NOVA1: variants seen among roughly 807,000 people sequenced by gnomAD.
NOVA1 encodes RNA-binding protein Nova-1.
NOVA1 carries 7 observed loss-of-function variants against 38.0 expected under a neutral mutation model. The ratio of observed to expected loss-of-function variants is 0.18; its 90% CI spans 0.10 to 0.35. The LOEUF (loss-of-function observed/expected upper bound fraction) is 0.35, where lower values mean the gene tolerates loss of function less well. Among genes scored for constraint, NOVA1 ranks in the 10% least tolerant of loss-of-function variants. The pLI is 1.00. For missense variants in NOVA1, 460 were observed against 616.0 expected (o/e 0.75, Z 2.68); for synonymous variants, 270 against 232.5 (o/e 1.16, Z -1.47).
intron 2 of NOVA1, among the ~76,000 whole-genome samples, chr14:26,567,176 TA>T (rs1439577261): frequency 6.6e-6 from 1 of 151,914 alleles, no homozygotes; most frequent in East Asian, 1.9e-4. Flanking sequence ...TTAAATCCTA[TA>T]AAAATAATGT....
chr14:26,521,059 A>T (rs887854112), intron 2 of NOVA1, among the ~76,000 whole-genome samples: 2 of 152,020 alleles, frequency 1.3e-5, no homozygotes, highest in Non-Finnish European at 2.9e-5. Context: ...AATAAAATAA[A>T]AGTATGGTCC....
intron 2 of NOVA1, among the ~76,000 whole-genome samples, chr14:26,490,449 C>T (rs1409864484): frequency 1.3e-5 from 2 of 151,960 alleles, no homozygotes; most frequent in Non-Finnish European, 2.9e-5. Flanking sequence ...CACCATTTTA[C>T]ATCCCCAACA....
At chr14:26,474,587 G>T (rs1594360077) in intron 3 of NOVA1, among the ~76,000 whole-genome samples, 1 of 151,914 alleles carries the variant, frequency 6.6e-6, no homozygotes, top group East Asian at 1.9e-4. Flanking sequence ...CCTAATAATT[G>T]TGATGCTGTT....
chr14:26,520,322 G>A (rs1329111841), intron 2 of NOVA1, among the ~76,000 whole-genome samples: 2 of 152,160 alleles, frequency 1.3e-5, no homozygotes, highest in African/African-American at 2.4e-5. Context: ...CCCCAGGGTG[G>A]ACTGGGGGAC....
chr14:26,572,724 C>CGGTGTGTG (rs1253566376), intron 2 of NOVA1, among the ~76,000 whole-genome samples: 1 of 49,160 alleles, frequency 2.0e-5, no homozygotes, highest in Admixed American at 2.7e-4. Context: ...TAAGGAACCG[C>CGGTGTGTG]AGTGTGTGTG....
rs370469264 is a variant in NOVA1, at chr14:26,487,103, G to C, written c.281-6960C>G. ...ACATAAGCAAAAGTCTCATTTATGA[G>C]TATTTAAGATAATGAGTCAGCAAAA... is the stretch of plus-strand genomic sequence containing the variant. On this transcript the variant is annotated intron_variant, in intron 2 of 4. Coordinates refer to ENST00000539517, the MANE Select transcript of NOVA1 (RefSeq NM_002515.3). Among the ~76,000 whole-genome samples the C allele has an allele frequency of 7.9e-5, 12 of 152,074 alleles. No individual in the cohort carries two copies. In the East Asian group the frequency reaches 1.2e-3, roughly 15 times the overall value.
intron 1 of NOVA1, chr14:26,596,748 T>C: frequency 1.6e-6 from 2 of 1,261,628 alleles, no homozygotes; most frequent in Non-Finnish European, 2.1e-6. Context: ...AATGAAATAT[T>C]TGCACCGACA....
At chr14:26,462,822 T>C in intron 4 of NOVA1, among the ~76,000 whole-genome samples, 1 of 152,160 alleles carries the variant, frequency 6.6e-6, no homozygotes, top group East Asian at 1.9e-4. Context: ...ACTTGGGAAA[T>C]TACCTTCTTT....
At chr14:26,503,797 T>G (rs1887424596) in intron 2 of NOVA1, among the ~76,000 whole-genome samples, 1 of 151,964 alleles carries the variant, frequency 6.6e-6, no homozygotes, top group African/African-American at 2.4e-5. Context: ...AAAATTAAAT[T>G]TATAACGTAG....
chr14:26,596,287 AT>A (rs1169473250), intron 1 of NOVA1, among the ~76,000 whole-genome samples: 1 of 152,220 alleles, frequency 6.6e-6, no homozygotes, highest in East Asian at 1.9e-4. Context: ...AGTCATTTAT[AT>A]TAAATAGGCT....
chr14:26,588,220 A>G (rs1893647106), intron 2 of NOVA1, among the ~76,000 whole-genome samples: 1 of 151,234 alleles, frequency 6.6e-6, no homozygotes, highest in Non-Finnish European at 1.5e-5. Context: ...AAATTTTTAA[A>G]TTATTGAGTC....
At chr14:26,492,797 T>A (rs1002424988) in intron 2 of NOVA1, among the ~76,000 whole-genome samples, 1 of 32,972 alleles carries the variant, frequency 3.0e-5, no homozygotes, top group Admixed American at 5.6e-4. Context: ...TGAAACCCCA[T>A]CTCTACTAAA....
chr14:26,532,610 A>G (rs776991326), intron 2 of NOVA1, among the ~76,000 whole-genome samples: 1 of 152,198 alleles, frequency 6.6e-6, no homozygotes, highest in Non-Finnish European at 1.5e-5. Flanking sequence ...TGATGGAAAT[A>G]TACCATAGCT....
chr14:26,597,178 C>A (rs1486141370), intron 1 of NOVA1, 123 bp downstream of exon 1: 3 of 895,850 alleles, frequency 3.3e-6, no homozygotes, highest in African/African-American at 3.7e-5. Context: ...CCGCCGGGTT[C>A]GGGCTGGAGG....
intron 4 of NOVA1, among the ~76,000 whole-genome samples, chr14:26,450,016 CATA>C (rs1312300830): frequency 6.6e-6 from 1 of 152,032 alleles, no homozygotes; most frequent in Admixed American, 6.5e-5. Flanking sequence ...ATTATGGAAG[CATA>C]ATGACACATA....
intron 2 of NOVA1, among the ~76,000 whole-genome samples, chr14:26,557,329 C>A (rs777448382): frequency 1.3e-5 from 2 of 151,962 alleles, no homozygotes; most frequent in African/African-American, 2.4e-5. Flanking sequence ...GGGGAGGTTG[C>A]GGAACAACAG....
chr14:26,543,523 G>C (rs570887422), intron 2 of NOVA1, among the ~76,000 whole-genome samples: 1 of 151,992 alleles, frequency 6.6e-6, no homozygotes, highest in Admixed American at 6.6e-5. Context: ...ACACACTAGA[G>C]AGAAATATTT....
chr14:26,535,618 T>C, intron 2 of NOVA1, among the ~76,000 whole-genome samples: 1 of 152,136 alleles, frequency 6.6e-6, no homozygotes, highest in Non-Finnish European at 1.5e-5. Flanking sequence ...TATATATGAT[T>C]ATTCAAAAAT....
At chr14:26,528,395 T>C (rs1437704632) in intron 2 of NOVA1, among the ~76,000 whole-genome samples, 5 of 152,148 alleles carry the variant, frequency 3.3e-5, no homozygotes, top group Non-Finnish European at 7.3e-5. Flanking sequence ...GCATATTGTA[T>C]ATAATGAAGA....
Sources: gnomAD v4.1 joint callset for allele counts (sites outside exome capture counted in the v4.1 genomes callset) on GRCh38, gnomAD v4.1.1 for gene constraint, MANE v1.5 for transcripts, NCBI Gene and HGNC (gene_info 2026-07-23, HGNC 2026-07-21) for gene names.